DCT: variants seen among roughly 807,000 people sequenced by gnomAD.
DCT encodes dopachrome tautomerase.
In DCT, 47 loss-of-function variants were observed where a neutral mutation model predicts 53.0. That is an observed-to-expected ratio of 0.89 (90% confidence interval 0.70 to 1.13). The LOEUF (loss-of-function observed/expected upper bound fraction) is 1.13. Among genes scored for constraint, DCT ranks in the 50% most tolerant of loss-of-function variants. The probability of loss-of-function intolerance (pLI) is 0.00; values close to 1 mark genes in which losing one functional copy is unlikely to be tolerated. For missense variants in DCT, 669 were observed against 637.4 expected (o/e 1.05, Z -0.53); for synonymous variants, 244 against 237.0 (o/e 1.03, Z -0.27).
chr13:94,546,472 C>T, the DCT span, among the ~76,000 whole-genome samples: 6 of 152,264 alleles, frequency 3.9e-5, no homozygotes, highest in African/African-American at 1.4e-4. This position sits in a 1 kb window ranked among gnomAD's most constrained non-coding sequence, Gnocchi z 4.2. Flanking sequence ...GTCCTTACCA[C>T]GTTACCTAGT....
the DCT span, among the ~76,000 whole-genome samples, chr13:94,539,098 C>T: frequency 6.6e-6 from 1 of 152,156 alleles, no homozygotes; most frequent in East Asian, 1.9e-4. Flanking sequence ...TTCTTAGTCC[C>T]CTGCTTTGTT....
At chr13:94,482,247 T>C (rs1419689257), upstream of DCT, among the ~76,000 whole-genome samples, 4 of 152,228 alleles carry the variant, frequency 2.6e-5, no homozygotes, top group African/African-American at 9.6e-5. Context: ...TCATTTACCA[T>C]GGATAGTTTG....
At position 94,452,480 on chromosome 13, in the gene DCT, C is replaced by T. The variant is rs139057644; in HGVS notation, c.1179+7611G>A. ...TGATGGGGGAACTGTGGCTCTGACA[C>T]ATAGGTGACACACAGGTATTAGGAG... On this transcript the variant is annotated intron_variant, in intron 6 of 7. Transcript: ENST00000377028. 73 of 613,694 alleles carry T rather than the reference C, an allele frequency of 1.2e-4. No homozygotes were observed. In the African/African-American group the frequency reaches 1.4e-3, roughly 11 times the overall value. The allele number at this position is 613,694 out of a possible 1,614,324, so 38.0% of individuals were successfully genotyped here.
chr13:94,447,272 A>G (rs932875739), intron 6 of DCT, among the ~76,000 whole-genome samples: 9 of 152,128 alleles, frequency 5.9e-5, no homozygotes, highest in African/African-American at 1.9e-4. Context: ...GGGGTGGTGG[A>G]TGGGAAGGGA....
chr13:94,529,204 C>T, the DCT span, among the ~76,000 whole-genome samples: 1 of 152,114 alleles, frequency 6.6e-6, no homozygotes, highest in Non-Finnish European at 1.5e-5. Flanking sequence ...GACTTTAACA[C>T]CCCACTGTCA....
chr13:94,456,264 G>A (rs571475890), intron 6 of DCT, among the ~76,000 whole-genome samples: 19 of 152,174 alleles, frequency 1.2e-4, no homozygotes, highest in African/African-American at 2.6e-4. Context: ...AACTAATTCC[G>A]TCTCAGGATT....
intron 1 of DCT, 66 bp from the exon 2 acceptor site, chr13:94,469,111 T>C: frequency 7.4e-7 from 1 of 1,354,228 alleles, no homozygotes; most frequent in Non-Finnish European, 1.0e-6. Flanking sequence ...ATTTCTGAAT[T>C]TGTACTCTGA....
intron 6 of DCT, chr13:94,444,458 T>C (rs981560670): frequency 4.0e-6 from 2 of 498,284 alleles, no homozygotes; most frequent in Non-Finnish European, 7.9e-6. Context: ...ATGTACAAAG[T>C]GCTCATTTAT....
the DCT span, among the ~76,000 whole-genome samples, chr13:94,527,886 C>T: frequency 1.6e-5 from 2 of 124,162 alleles, no homozygotes. Context: ...AGCTAAAAAC[C>T]TTGAAAAAAG....
chr13:94,494,498 T>C, the DCT span, among the ~76,000 whole-genome samples: 1 of 152,130 alleles, frequency 6.6e-6, no homozygotes, highest in African/African-American at 2.4e-5. Flanking sequence ...TCACTCAGTT[T>C]TGTCTCATTC....
At chr13:94,543,638 T>C in the DCT span, among the ~76,000 whole-genome samples, 1 of 152,196 alleles carries the variant, frequency 6.6e-6, no homozygotes, top group South Asian at 2.1e-4. Context: ...GCTTCTTTCC[T>C]CTTGGCAAAT....
At chr13:94,492,274 G>T in the DCT span, among the ~76,000 whole-genome samples, 4 of 152,202 alleles carry the variant, frequency 2.6e-5, no homozygotes, top group Admixed American at 1.3e-4. Context: ...AAATATCCAG[G>T]TGGCCTCTTG....
the DCT span, among the ~76,000 whole-genome samples, chr13:94,520,248 C>T: frequency 6.6e-6 from 1 of 152,182 alleles, no homozygotes; most frequent in Non-Finnish European, 1.5e-5. Context: ...CACAATCCTG[C>T]AAATGGTCTC....
Position 94,479,079 on chromosome 13 carries a change from C to A in DCT, c.177G>T (p.Gly59=), listed in dbSNP as rs550201405. ...TGTCGGCTCGCACCTCTGTGCACTGCCCCCGGCCTTGCTGAGAGCCACAGA... is the reference window on the plus strand; with the variant it reads ...TGTCGGCTCGCACCTCTGTGCACTGACCCCGGCCTTGCTGAGAGCCACAGA... ...ANVCGSQQGR[G]QCTEVRADTR... Residue 59 remains glycine, a synonymous_variant, in exon 1 of 8, where the codon GGG becomes GGT. Coordinates refer to ENST00000377028, the MANE Select transcript of DCT (RefSeq NM_001922.5). 3.7e-6 allele frequency: 6 copies of A among 1,614,196 alleles called. No individual in the cohort carries two copies. Among genetic ancestry groups the A allele is most frequent in the Admixed American group, 1.7e-5 (1 of 60,022 alleles).
At position 94,462,760 on chromosome 13, in the gene DCT, C is replaced by T. The variant is rs533567128; in HGVS notation, c.864-571G>A. ...AATCATTACCATTCTGTTGGAAAGA[C>T]AGTGAGAGGGTTTACAAGGCAAGAT... On this transcript the variant is annotated intron_variant, in intron 4 of 7. Transcript: ENST00000377028. 1.1e-4 allele frequency among the ~76,000 whole-genome samples: 17 copies of T among 152,216 alleles called. No homozygotes were observed. In the South Asian group the frequency reaches 3.3e-3, roughly 30 times the overall value.
upstream of DCT, among the ~76,000 whole-genome samples, chr13:94,483,202 A>G (rs140889829): frequency 1.3e-3 from 203 of 151,660 alleles, 4 homozygotes; most frequent in East Asian, 0.027. Context: ...TGAGTCCAGG[A>G]GGTTGAGGCT....
the DCT span, among the ~76,000 whole-genome samples, chr13:94,539,820 G>C: frequency 1.3e-5 from 2 of 152,122 alleles, no homozygotes; most frequent in African/African-American, 2.4e-5. Flanking sequence ...AAAAAAAAGG[G>C]AGAAAGGAAA....
chr13:94,518,161 G>GGAAA, the DCT span, among the ~76,000 whole-genome samples: 3 of 107,316 alleles, frequency 2.8e-5, no homozygotes, highest in African/African-American at 1.3e-4. Context: ...AAGGAATGAA[G>GGAAA]GAAGGAAGGA....
chr13:94,443,063 G>T (rs1594270443), intron 7 of DCT, among the ~76,000 whole-genome samples: 2 of 152,286 alleles, frequency 1.3e-5, no homozygotes, highest in South Asian at 4.1e-4. Context: ...TCCCTGTACA[G>T]TGTGGCTAGT....
Sources: allele counts gnomAD v4.1 joint callset (sites outside exome capture counted in the v4.1 genomes callset), GRCh38; gene constraint gnomAD v4.1.1; non-coding constraint Gnocchi (gnomAD v3.1); transcripts MANE v1.5; gene names NCBI Gene and HGNC (gene_info 2026-07-23, HGNC 2026-07-21).